Variants in SDK1 observed in about 807,000 individuals in gnomAD.
The protein encoded by SDK1 is sidekick cell adhesion molecule 1.
Under a neutral mutation model 245.5 loss-of-function variants are expected in SDK1, and 157 were observed. The observed-to-expected ratio is 0.64, with a 90% CI of 0.56 to 0.73. The LOEUF is 0.73. Among genes scored for constraint, SDK1 ranks in the 30% least tolerant of loss-of-function variants. The probability of loss-of-function intolerance (pLI) is 0.00; values close to 1 mark genes in which losing one functional copy is unlikely to be tolerated. For synonymous variants in SDK1, 1,647 were observed against 1,278.5 expected, an observed-to-expected ratio of 1.29 and a Z score of -6.15; for missense variants, 3,583 against 3,002.3, an observed-to-expected ratio of 1.19 and a Z score of -4.52.
chr7:3,501,178 T>A (rs1351460014), intron 1 of SDK1, among the ~76,000 whole-genome samples: 4 of 152,192 alleles, frequency 2.6e-5, no homozygotes, highest in Non-Finnish European at 4.4e-5. Flanking sequence ...CAGGGTGATC[T>A]GCTTGAGCTC....
rs141932975 is a variant in SDK1 at position 3,901,885 on chromosome 7, T to A, written c.848-49038T>A. Among the ~76,000 whole-genome samples the A allele has an allele frequency of 4.7e-3, 718 of 152,338 alleles. 3 individuals are homozygous for A. Among genetic ancestry groups the A allele is most frequent in the African/African-American group, 0.016 (679 of 41,570 alleles). ...TTTGTGTTAATTGAATATGTTATAA[T>A]ATCCCGTTACTCATTTAGGTGTTAA... On this transcript the variant is annotated intron_variant, in intron 5 of 44. Coordinates refer to ENST00000404826, the MANE Select transcript of SDK1 (RefSeq NM_152744.4).
At chr7:3,698,928 T>G (rs1784659081) in intron 4 of SDK1, among the ~76,000 whole-genome samples, 1 of 152,100 alleles carries the variant, frequency 6.6e-6, no homozygotes, top group Non-Finnish European at 1.5e-5. Flanking sequence ...ACACAAAGGA[T>G]CAGTCTATAA....
intron 1 of SDK1, among the ~76,000 whole-genome samples, chr7:3,486,738 C>T (rs1176617425): frequency 6.6e-6 from 1 of 151,728 alleles, no homozygotes. Context: ...TTAATTTTAT[C>T]CTATTACATT....
At chr7:3,555,789 AC>A (rs1186422941) in intron 1 of SDK1, among the ~76,000 whole-genome samples, 3 of 152,200 alleles carry the variant, frequency 2.0e-5, no homozygotes, top group Non-Finnish European at 4.4e-5. Context: ...GCAAAAGAAG[AC>A]ATACAAATGG....
intron 1 of SDK1, among the ~76,000 whole-genome samples, chr7:3,404,784 G>C (rs962774593): frequency 6.6e-6 from 1 of 152,204 alleles, no homozygotes; most frequent in Non-Finnish European, 1.5e-5. Context: ...TAGTTTAACA[G>C]ATGTGTTTTG....
chr7:3,856,627 C>T (rs931131609), intron 5 of SDK1, among the ~76,000 whole-genome samples: 2 of 151,726 alleles, frequency 1.3e-5, no homozygotes, highest in Non-Finnish European at 2.9e-5. Context: ...CCCATGTCTC[C>T]TAAAAGTACA....
chr7:4,177,464 C>G (rs1782286872), intron 34 of SDK1, among the ~76,000 whole-genome samples: 1 of 152,208 alleles, frequency 6.6e-6, no homozygotes, highest in Admixed American at 6.5e-5. Context: ...GCAGCCCACG[C>G]CCGTTCTTTC....
chr7:3,941,260 C>G (rs550469950), intron 5 of SDK1, among the ~76,000 whole-genome samples: 1 of 152,246 alleles, frequency 6.6e-6, no homozygotes, highest in Admixed American at 6.5e-5. Context: ...GACTTTGCAG[C>G]CTTTTCCCAA....
intron 5 of SDK1, among the ~76,000 whole-genome samples, chr7:3,881,524 T>TC (rs1781209026): frequency 6.6e-6 from 1 of 152,242 alleles, no homozygotes; most frequent in Non-Finnish European, 1.5e-5. Context: ...TTGGGTTGAC[T>TC]CCATGTCTTT....
intron 17 of SDK1, among the ~76,000 whole-genome samples, chr7:4,045,382 A>G (rs916244549): frequency 6.6e-6 from 1 of 151,076 alleles, no homozygotes; most frequent in Non-Finnish European, 1.5e-5. Context: ...AGCTGGGACT[A>G]TAGGTGTGTG....
At chr7:3,747,728 G>C (rs1161643218) in intron 4 of SDK1, among the ~76,000 whole-genome samples, 2 of 151,828 alleles carry the variant, frequency 1.3e-5, no homozygotes, top group African/African-American at 4.8e-5. Flanking sequence ...TATGGTGAGG[G>C]GTTTTCACTG....
intron 1 of SDK1, among the ~76,000 whole-genome samples, chr7:3,580,169 C>G (rs1003387365): frequency 6.6e-6 from 1 of 152,160 alleles, no homozygotes; most frequent in African/African-American, 2.4e-5. Flanking sequence ...AAAAATATTT[C>G]ATAGTCATGG....
chr7:3,476,892 G>A (rs1781361862), intron 1 of SDK1, among the ~76,000 whole-genome samples: 1 of 152,184 alleles, frequency 6.6e-6, no homozygotes, highest in African/African-American at 2.4e-5. Context: ...GCTTTTGGCA[G>A]TAAGTGGGGA....
chr7:3,462,754 G>A (rs1230801372), intron 1 of SDK1, among the ~76,000 whole-genome samples: 1 of 151,804 alleles, frequency 6.6e-6, no homozygotes, highest in Non-Finnish European at 1.5e-5. Context: ...CTCTATTGCC[G>A]CCATCCTAAT....
At chr7:3,737,460 C>T (rs1170691285) in intron 4 of SDK1, among the ~76,000 whole-genome samples, 1 of 152,208 alleles carries the variant, frequency 6.6e-6, no homozygotes, top group African/African-American at 2.4e-5. Context: ...TGGCTTTCTG[C>T]CTGAGGAGAG....
intron 1 of SDK1, among the ~76,000 whole-genome samples, chr7:3,542,155 A>C (rs908857327): frequency 5.3e-5 from 8 of 152,244 alleles, no homozygotes; most frequent in African/African-American, 1.9e-4. Flanking sequence ...TAGAATTTTA[A>C]TTCCCAATGA....
At chr7:3,802,041 C>T (rs1305016593) in intron 4 of SDK1, among the ~76,000 whole-genome samples, 1 of 152,198 alleles carries the variant, frequency 6.6e-6, no homozygotes, top group Non-Finnish European at 1.5e-5. Flanking sequence ...TACTGTGAAA[C>T]TGTACTTAAT....
chr7:4,185,059 G>A (rs1218260410), intron 35 of SDK1, among the ~76,000 whole-genome samples: 1 of 152,174 alleles, frequency 6.6e-6, no homozygotes, highest in Non-Finnish European at 1.5e-5. Flanking sequence ...GTCCTGAGGT[G>A]CCCAAAGCCA....
chr7:4,036,423 T>C (rs1195958354), intron 17 of SDK1, among the ~76,000 whole-genome samples: 1 of 152,272 alleles, frequency 6.6e-6, no homozygotes, highest in Non-Finnish European at 1.5e-5. Context: ...TAGACCTACA[T>C]GGATGCCGCT....
Sources: allele counts gnomAD v4.1 joint callset (sites outside exome capture counted in the v4.1 genomes callset), GRCh38; gene constraint gnomAD v4.1.1; transcripts MANE v1.5; gene names NCBI Gene and HGNC (gene_info 2026-07-23, HGNC 2026-07-21).